OTOGL: variants seen among roughly 807,000 people sequenced by gnomAD.
The protein encoded by OTOGL is otogelin-like protein.
OTOGL carries 285 observed loss-of-function variants against 318.5 expected under a neutral mutation model. The ratio of observed to expected loss-of-function variants is 0.89; its 90% CI spans 0.81 to 0.99. The LOEUF is 0.99. Among genes scored for constraint, OTOGL ranks in the 50% least tolerant of loss-of-function variants. OTOGL has a pLI of 0.00. For synonymous variants in OTOGL, 987 were observed against 936.5 expected (o/e 1.05, Z -0.99); for missense variants, 2,899 against 2,845.6 (o/e 1.02, Z -0.43).
intron 1 of OTOGL, among the ~76,000 whole-genome samples, chr12:80,134,318 A>G (rs1240842279): frequency 1.3e-5 from 2 of 152,228 alleles, no homozygotes; most frequent in Non-Finnish European, 2.9e-5. Context: ...TCTATCTTAA[A>G]GGGCACTTCT....
intron 30 of OTOGL, among the ~76,000 whole-genome samples, chr12:80,312,380 C>T (rs980067703): frequency 6.6e-6 from 1 of 152,128 alleles, no homozygotes; most frequent in African/African-American, 2.4e-5. Flanking sequence ...TATTTCTTAG[C>T]ATATATAAAT....
chr12:80,136,744 C>A (rs1208512591), intron 1 of OTOGL, among the ~76,000 whole-genome samples: 3 of 152,138 alleles, frequency 2.0e-5, no homozygotes, highest in African/African-American at 7.2e-5. Context: ...CTATCTTCAT[C>A]CTATTCCAAC....
intron 29 of OTOGL, among the ~76,000 whole-genome samples, chr12:80,308,701 C>G (rs867851507): frequency 4.6e-5 from 7 of 152,204 alleles, no homozygotes; most frequent in African/African-American, 1.4e-4. Flanking sequence ...GAACGAGACT[C>G]CGTCTGCAAT....
Position 80,265,090 on chromosome 12 carries a change from T to C in OTOGL, c.2104T>C (p.Cys702Arg). The C allele has an allele frequency of 1.9e-6, 3 of 1,613,924 alleles. No individual in the cohort carries two copies. Among genetic ancestry groups the C allele is most frequent in the Non-Finnish European group, 2.5e-6 (3 of 1,179,870 alleles). ...YISPGLYYQL[C>R]RHDACKCGSS... ...TAGCCCTGGGCTGTACTATCAGCTA[T>C]GCCGCCACGATGCATGCAAGTGTGG... is the stretch of plus-strand genomic sequence containing the variant. Residue 702 changes from cysteine to arginine, a missense_variant, in exon 20 of 59, where the codon TGC (cysteine) becomes CGC (arginine). By Grantham distance (180) the Cys-to-Arg change is radical. Around this residue, in one of 3 missense-constraint regions of OTOGL, gnomAD observed 2,607 missense variants for 2,524.9 expected, o/e 1.03. Coordinates refer to ENST00000547103, the MANE Select transcript of OTOGL (RefSeq NM_001378609.3).
chr12:80,289,740 CT>C (rs1884903708), intron 26 of OTOGL, among the ~76,000 whole-genome samples: 1 of 152,286 alleles, frequency 6.6e-6, no homozygotes, highest in Admixed American at 6.5e-5. Context: ...GCGGACGCCC[CT>C]CCCCCAACCA....
intron 1 of OTOGL, among the ~76,000 whole-genome samples, chr12:80,160,474 T>A (rs371498123): frequency 1.3e-5 from 2 of 152,158 alleles, no homozygotes; most frequent in South Asian, 2.1e-4. Context: ...AACAAACATA[T>A]GAAAAAATGC....
chr12:80,360,848 A>T (rs1362193697), intron 52 of OTOGL, among the ~76,000 whole-genome samples: 1 of 151,854 alleles, frequency 6.6e-6, no homozygotes, highest in African/African-American at 2.4e-5. Flanking sequence ...TTTATTTTTT[A>T]TTTATTTATT....
intron 7 of OTOGL, among the ~76,000 whole-genome samples, chr12:80,225,065 A>G (rs902327703): frequency 3.3e-5 from 5 of 152,110 alleles, no homozygotes; most frequent in African/African-American, 9.7e-5. Flanking sequence ...ATAAAAAACT[A>G]AACAAAATAA....
chr12:80,183,925 T>C (rs751654217), intron 1 of OTOGL, among the ~76,000 whole-genome samples: 20 of 152,204 alleles, frequency 1.3e-4, no homozygotes, highest in Non-Finnish European at 2.2e-4. Context: ...TCCTGGCTAC[T>C]AGTGCTGTTG....
In OTOGL at chr12:80,256,453, C is replaced by A. The variant is rs1178756546; in HGVS notation, c.1704C>A (p.Asn568Lys). 1.3e-6 allele frequency: 2 copies of A among 1,579,730 alleles called. No individual in the cohort carries two copies. The highest frequency in any genetic ancestry group is 1.8e-5 in the Admixed American group (1 of 56,980). The part of the protein sequence containing the change: ...QILTSPNQGF[N>K]LNGIVEIQTL... ...TCACTAGTCCTAACCAAGGCTTCAA[C>A]CTGAATGGTAAGAAACAGTGCTAAT... Residue 568 changes from asparagine (N) to lysine (K), a missense_variant, in exon 17 of 59, where the codon AAC becomes AAA. By Grantham distance (94) the Asn-to-Lys change is moderately conservative. This residue lies in a region of OTOGL where 2,607 missense variants were observed against 2,524.9 expected (regional missense o/e 1.03). Transcript: ENST00000547103.
Position 80,293,223 on chromosome 12 carries a change from G to A in OTOGL, c.2929-3604G>A, listed in dbSNP as rs139899175. Among the ~76,000 whole-genome samples, 236 of 151,748 alleles carry A rather than the reference G, an allele frequency of 1.6e-3. 1 individual carries two copies. Among genetic ancestry groups the A allele is most frequent in the Admixed American group, 3.2e-3 (49 of 15,232 alleles). On this transcript the variant is annotated intron_variant, in intron 26 of 58. Transcript: ENST00000547103. Reference sequence around the variant, plus strand: ...TTTTTTTCTTGCCGTATACTCAAAAGGTAAATAAAAATCTTTTACTATCTC... The same window carrying A: ...TTTTTTTCTTGCCGTATACTCAAAAAGTAAATAAAAATCTTTTACTATCTC...
At chr12:80,117,370 T>C (rs1041649344) in intron 1 of OTOGL, among the ~76,000 whole-genome samples, 1 of 152,204 alleles carries the variant, frequency 6.6e-6, no homozygotes, top group East Asian at 1.9e-4. Flanking sequence ...ATTCAATTCA[T>C]TTAAGTTAGA....
At chr12:80,119,960 G>T (rs1870391099) in intron 1 of OTOGL, among the ~76,000 whole-genome samples, 1 of 152,070 alleles carries the variant, frequency 6.6e-6, no homozygotes, top group Non-Finnish European at 1.5e-5. Context: ...TAGAGACTGA[G>T]GTTGATTTGT....
At position 80,337,031 on chromosome 12, in the gene OTOGL, C is replaced by T. The variant is rs1481654507; in HGVS notation, c.4860+27C>T. On this transcript the variant is annotated intron_variant, in intron 42 of 58. Transcript: ENST00000547103. ...TAAGAATACAAAGTTAAAATTTTTT[C>T]TCACATTAGATGAAAATAAATTATA... The T allele has an allele frequency of 6.1e-6, 9 of 1,471,444 alleles. No homozygotes were observed. The South Asian group carries it at 8.7e-5, about 14-fold the overall frequency. 91.1% of individuals were successfully genotyped at this position (1,471,444 alleles called of 1,614,324 possible).
intron 11 of OTOGL, among the ~76,000 whole-genome samples, chr12:80,242,277 C>T (rs577281536): frequency 6.6e-6 from 1 of 152,200 alleles, no homozygotes; most frequent in Admixed American, 6.5e-5. Context: ...CCAGGGAAAA[C>T]AAAAATAGCA....
In OTOGL at chr12:80,328,689, C is replaced by T; in HGVS notation, c.4224C>T (p.Cys1408=). The change falls in exon 36 of 59, where the codon TGC becomes TGT. Residue 1408 remains cysteine (C), a synonymous_variant. Transcript: ENST00000547103. ...LPPVEGCLPY[C]PKNMILDEVT... is the part of the protein sequence containing the mutation. ...GGGTTGAAGGATGCTTGCCCTACTG[C>T]CCTAAAAATATGATCCTTGATGAGG... 3.1e-6 allele frequency: 5 copies of T among 1,605,246 alleles called. No homozygotes were observed. The highest frequency in any genetic ancestry group is 4.3e-6 in the Non-Finnish European group (5 of 1,172,328).
intron 1 of OTOGL, among the ~76,000 whole-genome samples, chr12:80,187,933 A>G (rs1592529290): frequency 6.6e-6 from 1 of 152,236 alleles, no homozygotes; most frequent in South Asian, 2.1e-4. Context: ...CGTTTTTGAA[A>G]CCTGATCTGG....
chr12:80,313,945 G>A (rs1278608028), intron 31 of OTOGL, among the ~76,000 whole-genome samples: 2 of 151,736 alleles, frequency 1.3e-5, no homozygotes, highest in East Asian at 1.9e-4. Context: ...AAGTTTCATC[G>A]TTCTGATGAT....
Position 80,377,931 on chromosome 12 carries a change from GTGT to G in OTOGL, c.6949_6951del (p.Cys2317del). 1 of 1,610,742 alleles carries G rather than the reference GTGT, an allele frequency of 6.2e-7. No individual in the cohort carries two copies. Among genetic ancestry groups the G allele is most frequent in the Non-Finnish European group, 8.5e-7 (1 of 1,178,068 alleles). ...TTGAAAGTCACCTAAGATTCTGCAA[GTGT>G]TGTCGTGAAAATGGAGTACGAAACT... On this transcript the variant is annotated inframe_deletion, in exon 59 of 59. Transcript: ENST00000547103.
Sources: gnomAD v4.1 joint callset for allele counts (sites outside exome capture counted in the v4.1 genomes callset) on GRCh38, gnomAD v4.1.1 for gene constraint, gnomAD v4.1.1 regional missense constraint, MANE v1.5 for transcripts, NCBI Gene and HGNC (gene_info 2026-07-23, HGNC 2026-07-21) for gene names.